Variants in SCHIP1 observed in about 807,000 individuals in gnomAD.
The protein encoded by SCHIP1 is schwannomin-interacting protein 1.
Under a neutral mutation model 29.7 loss-of-function variants are expected in SCHIP1, and 8 were observed. That is an observed-to-expected ratio of 0.27 (90% confidence interval 0.16 to 0.49). The LOEUF (loss-of-function observed/expected upper bound fraction) is 0.49. Among genes scored for constraint, SCHIP1 ranks in the 20% least tolerant of loss-of-function variants. The pLI is 0.99. For missense variants in SCHIP1, 193 were observed against 294.6 expected (o/e 0.66, Z 2.52); for synonymous variants, 76 against 94.9 (o/e 0.80, Z 1.16).
the SCHIP1 span, among the ~76,000 whole-genome samples, chr3:159,671,756 T>C: frequency 0.019 from 2,846 of 152,288 alleles, 55 homozygotes; most frequent in African/African-American, 0.042. Context: ...GAGTTCATGA[T>C]ATTTTTTTCC....
At chr3:159,850,542 C>CAAAAAAAAAA (rs61224003) in intron 1 of SCHIP1, among the ~76,000 whole-genome samples, 1 of 104,938 alleles carries the variant, frequency 9.5e-6, no homozygotes, top group Admixed American at 1.0e-4. Flanking sequence ...GATTCCATCT[C>CAAAAAAAAAA]AAAAAAAAAA....
chr3:159,286,825 T>C, the SCHIP1 span, among the ~76,000 whole-genome samples: 1 of 152,198 alleles, frequency 6.6e-6, no homozygotes, highest in African/African-American at 2.4e-5. Flanking sequence ...TAATGATTAG[T>C]GATGCAGCAT....
the SCHIP1 span, among the ~76,000 whole-genome samples, chr3:159,499,015 G>A: frequency 6.6e-6 from 1 of 152,156 alleles, no homozygotes; most frequent in Non-Finnish European, 1.5e-5. Flanking sequence ...TGGGCAGCTT[G>A]TATAGCTCAG....
the SCHIP1 span, among the ~76,000 whole-genome samples, chr3:159,516,124 T>G: frequency 6.6e-6 from 1 of 152,120 alleles, no homozygotes; most frequent in Admixed American, 6.5e-5. Flanking sequence ...CTTCTCCTGT[T>G]CCCTGAACTC....
the SCHIP1 span, among the ~76,000 whole-genome samples, chr3:159,524,134 A>G: frequency 6.6e-6 from 1 of 152,212 alleles, no homozygotes; most frequent in Admixed American, 6.5e-5. Flanking sequence ...TCAAGGATTC[A>G]TTGAAATCCG....
the SCHIP1 span, among the ~76,000 whole-genome samples, chr3:159,505,561 GTGC>G: frequency 6.6e-6 from 1 of 152,140 alleles, no homozygotes; most frequent in Non-Finnish European, 1.5e-5. Context: ...CCATGTTGGT[GTGC>G]TGCACCCATT....
chr3:159,494,262 C>T, the SCHIP1 span, among the ~76,000 whole-genome samples: 2 of 152,166 alleles, frequency 1.3e-5, no homozygotes, highest in Non-Finnish European at 2.9e-5. Context: ...CAGAGCAGAA[C>T]TGAAGGAAAT....
At chr3:159,678,703 A>G in the SCHIP1 span, among the ~76,000 whole-genome samples, 1 of 152,228 alleles carries the variant, frequency 6.6e-6, no homozygotes, top group Non-Finnish European at 1.5e-5. Flanking sequence ...GCTCTAAGGA[A>G]CTGCCTGAGT....
the SCHIP1 span, among the ~76,000 whole-genome samples, chr3:159,690,733 A>G: frequency 6.6e-6 from 1 of 152,190 alleles, no homozygotes. Context: ...GTGGGCATTT[A>G]GTGCTATAAA....
chr3:159,401,414 G>A, the SCHIP1 span: 2 of 939,356 alleles, frequency 2.1e-6, no homozygotes, highest in African/African-American at 1.8e-5. Context: ...ATTTTAGATA[G>A]TAATAAAAAT....
chr3:159,639,636 C>T, the SCHIP1 span, among the ~76,000 whole-genome samples: 782 of 152,160 alleles, frequency 5.1e-3, 4 homozygotes, highest in Admixed American at 8.5e-3. Context: ...TCTTTAACAT[C>T]GGTGTATAAA....
chr3:159,793,802 C>T, the SCHIP1 span, among the ~76,000 whole-genome samples: 1 of 152,224 alleles, frequency 6.6e-6, no homozygotes, highest in Admixed American at 6.5e-5. Context: ...AAGTCATCCA[C>T]TTGCCTCAGT....
the SCHIP1 span, among the ~76,000 whole-genome samples, chr3:159,730,791 A>C: frequency 6.6e-6 from 1 of 152,202 alleles, no homozygotes. Flanking sequence ...TCTCTTTCCC[A>C]GTGAGGCTGG....
the SCHIP1 span, among the ~76,000 whole-genome samples, chr3:159,310,279 T>C: frequency 6.6e-6 from 1 of 152,200 alleles, no homozygotes; most frequent in East Asian, 1.9e-4. Flanking sequence ...AATATTGCTG[T>C]AGTATATTAT....
chr3:159,349,506 T>C, the SCHIP1 span, among the ~76,000 whole-genome samples: 1 of 152,222 alleles, frequency 6.6e-6, no homozygotes, highest in Non-Finnish European at 1.5e-5. Flanking sequence ...CATTATTCTC[T>C]GAATTCAGGG....
At chr3:159,717,856 G>A in the SCHIP1 span, among the ~76,000 whole-genome samples, 1 of 152,142 alleles carries the variant, frequency 6.6e-6, no homozygotes, top group Non-Finnish European at 1.5e-5. Context: ...TAGAAAAAGA[G>A]GGAGTCCTCC....
At chr3:159,644,776 T>A in the SCHIP1 span, among the ~76,000 whole-genome samples, 2 of 152,140 alleles carry the variant, frequency 1.3e-5, no homozygotes, top group East Asian at 1.9e-4. Flanking sequence ...GTGCTTATCT[T>A]GTGTCATTTA....
the SCHIP1 span, among the ~76,000 whole-genome samples, chr3:159,396,970 G>A: frequency 7.0e-6 from 1 of 142,632 alleles, no homozygotes; most frequent in African/African-American, 2.5e-5. Flanking sequence ...ATCAGACGTA[G>A]ATTTGGTCTT....
the SCHIP1 span, among the ~76,000 whole-genome samples, chr3:159,604,256 C>G: frequency 6.6e-6 from 1 of 152,140 alleles, no homozygotes; most frequent in African/African-American, 2.4e-5. Context: ...GTGCCTATCC[C>G]CAATTTCCTA....
Sources: allele counts gnomAD v4.1 joint callset (sites outside exome capture counted in the v4.1 genomes callset), GRCh38; gene constraint gnomAD v4.1.1; transcripts MANE v1.5; gene names NCBI Gene and HGNC (gene_info 2026-07-23, HGNC 2026-07-21).